PCDHA12: variants seen among roughly 807,000 people sequenced by gnomAD.
PCDHA12 encodes protocadherin alpha-12.
In PCDHA12, 44 loss-of-function variants were observed where a neutral mutation model predicts 60.0. That is an observed-to-expected ratio of 0.73 (90% CI 0.58 to 0.94). The LOEUF (loss-of-function observed/expected upper bound fraction) is 0.94. Among genes scored for constraint, PCDHA12 ranks in the 40% least tolerant of loss-of-function variants. PCDHA12 has a pLI of 0.00. For missense variants in PCDHA12, 1,276 were observed against 1,239.7 expected (o/e 1.03, Z -0.44); for synonymous variants, 569 against 553.0 (o/e 1.03, Z -0.40).
intron 1 of PCDHA12, among the ~76,000 whole-genome samples, chr5:140,916,511 C>G (rs2077595595): frequency 6.6e-6 from 1 of 152,132 alleles, no homozygotes; most frequent in African/African-American, 2.4e-5. Flanking sequence ...ATTAATCTTG[C>G]CAAGACTGGG....
intron 1 of PCDHA12, among the ~76,000 whole-genome samples, chr5:140,942,596 A>G (rs116159999): frequency 2.2e-4 from 31 of 142,420 alleles, no homozygotes; most frequent in Admixed American, 2.0e-3. Flanking sequence ...ACATATAATT[A>G]TAGTGTTTAT....
chr5:140,924,942 GT>G (rs1180985667), intron 1 of PCDHA12, among the ~76,000 whole-genome samples: 3 of 120,862 alleles, frequency 2.5e-5, no homozygotes, highest in African/African-American at 8.7e-5. Context: ...AAAATAAAAA[GT>G]TAAAAAAAAA....
chr5:140,886,972 A>G (rs2061245917), intron 1 of PCDHA12, among the ~76,000 whole-genome samples: 1 of 152,122 alleles, frequency 6.6e-6, no homozygotes, highest in South Asian at 2.1e-4. Context: ...GAAATTTATT[A>G]TTTTGTAAAT....
rs782463268 is a variant in PCDHA12, at chr5:140,941,198, TCTTCCTTTCTTTCTTC to T, written c.2368-37747_2368-37732del. On this transcript the variant is annotated intron_variant, in intron 1 of 3. Transcript: ENST00000398631. ...AACATCCTGCTTCTTTTTTTTTCTTTCTTCCTTTCTTTCTTCCTTTCTTTCTTTCTTTCTTTCTTTC... is the reference window on the plus strand; with the variant it reads ...AACATCCTGCTTCTTTTTTTTTCTTTCTTTCTTTCTTTCTTTCTTTCTTTC... 2.9e-3 allele frequency among the ~76,000 whole-genome samples: 353 copies of T among 119,898 alleles called. 1 individual carries two copies. Among genetic ancestry groups the T allele is most frequent in the African/African-American group, 8.8e-3 (254 of 28,982 alleles). The allele number at this position is 119,898 out of a possible 152,430, so 78.7% of individuals were successfully genotyped here.
intron 1 of PCDHA12, among the ~76,000 whole-genome samples, chr5:140,941,301 TTTC>T (rs1554214297): frequency 1.4e-5 from 2 of 143,748 alleles, no homozygotes; most frequent in African/African-American, 2.6e-5. Flanking sequence ...TCTTTCTTTC[TTTC>T]TTTTTCTTCT....
chr5:140,914,185 C>G (rs1183431482), intron 1 of PCDHA12, among the ~76,000 whole-genome samples: 1 of 152,130 alleles, frequency 6.6e-6, no homozygotes, highest in Non-Finnish European at 1.5e-5. Flanking sequence ...AATTCTCCAC[C>G]TATTATTGTA....
intron 1 of PCDHA12, chr5:140,884,351 G>A: frequency 6.2e-7 from 1 of 1,613,946 alleles, no homozygotes; most frequent in Non-Finnish European, 8.5e-7. Context: ...GGCGCTGGTG[G>A]ATGTCAATGT....
chr5:140,900,178 T>C (rs972449455), intron 1 of PCDHA12, among the ~76,000 whole-genome samples: 2 of 152,238 alleles, frequency 1.3e-5, no homozygotes, highest in African/African-American at 2.4e-5. Context: ...GCCTGGTTTA[T>C]GTCACTTATA....
At chr5:140,947,706 A>G (rs2153680894) in intron 1 of PCDHA12, among the ~76,000 whole-genome samples, 1 of 151,686 alleles carries the variant, frequency 6.6e-6, no homozygotes, top group East Asian at 1.9e-4. Context: ...AGTTTTAAGT[A>G]TTGAGGTTTC....
intron 1 of PCDHA12, among the ~76,000 whole-genome samples, chr5:140,941,439 G>A (rs187782763): frequency 1.3e-5 from 2 of 149,420 alleles, no homozygotes; most frequent in East Asian, 2.0e-4. Context: ...CCTCAGCCTC[G>A]GGAGTAGCTG....
intron 1 of PCDHA12, among the ~76,000 whole-genome samples, chr5:140,922,302 A>G (rs2080767601): frequency 6.6e-6 from 1 of 152,222 alleles, no homozygotes; most frequent in African/African-American, 2.4e-5. Flanking sequence ...AGGAGAGGAT[A>G]CCTTTCACTG....
chr5:140,948,670 A>G (rs951520840), intron 1 of PCDHA12, among the ~76,000 whole-genome samples: 1 of 151,654 alleles, frequency 6.6e-6, no homozygotes. Context: ...TAGTGATAAC[A>G]TCTTTTTCAT....
intron 1 of PCDHA12, chr5:140,882,945 T>C (rs1554176195): frequency 6.2e-7 from 1 of 1,614,194 alleles, no homozygotes; most frequent in Non-Finnish European, 8.5e-7. Flanking sequence ...ACTGGCACAG[T>C]TCAGCTGCTC....
At chr5:140,905,594 G>A (rs62384488) in intron 1 of PCDHA12, among the ~76,000 whole-genome samples, 48,024 of 151,986 alleles carry the variant, frequency 0.32, 7,949 homozygotes, top group East Asian at 0.53. Flanking sequence ...ATTTTGCTGG[G>A]AATTGCATTG....
Position 140,928,898 on chromosome 5 carries a change from A to T in PCDHA12, c.2368-50051A>T, listed in dbSNP as rs782530169. ...CCTCAGTTACTTCCAGACTTTGAAGATGTCTGGGAACCAGGAGGGCAGCTT... is the reference window on the plus strand; with the variant it reads ...CCTCAGTTACTTCCAGACTTTGAAGTTGTCTGGGAACCAGGAGGGCAGCTT... On this transcript the variant is annotated intron_variant, in intron 1 of 3. Coordinates refer to ENST00000398631, the MANE Select transcript of PCDHA12 (RefSeq NM_018903.4). 77 of 1,614,004 alleles carry T rather than the reference A, an allele frequency of 4.8e-5. No individual in the cohort carries two copies. The African/African-American group carries it at 7.2e-4, about 15-fold the overall frequency.
intron 3 of PCDHA12, among the ~76,000 whole-genome samples, chr5:140,985,013 C>T (rs1022576947): frequency 8.6e-5 from 13 of 152,046 alleles, no homozygotes; most frequent in Non-Finnish European, 1.3e-4. Context: ...TATCGGCTCA[C>T]AGCAACCTCT....
intron 1 of PCDHA12, chr5:140,966,750 C>T: frequency 7.0e-7 from 1 of 1,428,438 alleles, no homozygotes; most frequent in African/African-American, 1.5e-5. Context: ...CGGCTGCCTC[C>T]GCCGCGGCCA....
chr5:140,884,159 A>T, intron 1 of PCDHA12: 3 of 1,613,418 alleles, frequency 1.9e-6, no homozygotes, highest in Non-Finnish European at 2.5e-6. Context: ...CACTGGCGAG[A>T]TCAGCACGAC....
chr5:140,992,097 A>G (rs1466699064), intron 3 of PCDHA12, among the ~76,000 whole-genome samples: 7 of 151,212 alleles, frequency 4.6e-5, no homozygotes, highest in Non-Finnish European at 1.0e-4. Flanking sequence ...GAGAAAGAGA[A>G]TTAAGGTGAG....
Sources: allele counts gnomAD v4.1 joint callset (sites outside exome capture counted in the v4.1 genomes callset), GRCh38; gene constraint gnomAD v4.1.1; transcripts MANE v1.5; gene names NCBI Gene and HGNC (gene_info 2026-07-23, HGNC 2026-07-21).